Variants in COL22A1 observed in about 807,000 individuals in gnomAD.
The protein encoded by COL22A1 is collagen alpha-1(XXII) chain.
A neutral mutation model predicts 248.9 loss-of-function variants in COL22A1; 221 were observed. The observed-to-expected ratio is 0.89, with a 90% confidence interval of 0.80 to 0.99. The LOEUF (loss-of-function observed/expected upper bound fraction) is 0.99, where lower values mean the gene tolerates loss of function less well. Ranked by LOEUF, COL22A1 falls within the 50% of genes least tolerant of loss-of-function variation. COL22A1 has a pLI of 0.00. For synonymous variants in COL22A1, 891 were observed against 793.4 expected (o/e 1.12, Z -2.07); for missense variants, 2,240 against 2,179.0 (o/e 1.03, Z -0.56).
At chr8:138,898,049 A>G (rs1394484202) in intron 1 of COL22A1, among the ~76,000 whole-genome samples, 1 of 152,148 alleles carries the variant, frequency 6.6e-6, no homozygotes, top group African/African-American at 2.4e-5. Flanking sequence ...CTCTTTCATA[A>G]GAACACTAAT....
At chr8:138,619,757 T>C (rs1587690721) in intron 52 of COL22A1, among the ~76,000 whole-genome samples, 1 of 152,174 alleles carries the variant, frequency 6.6e-6, no homozygotes, top group South Asian at 2.1e-4. Context: ...TAATTATGCT[T>C]AGTACCCCCC....
intron 59 of COL22A1, among the ~76,000 whole-genome samples, chr8:138,602,438 C>T (rs1818100788): frequency 1.3e-5 from 2 of 152,156 alleles, no homozygotes; most frequent in Non-Finnish European, 2.9e-5. Context: ...TGGGATAAAC[C>T]CCACTCCCTT....
chr8:138,813,318 C>T (rs1818398608), intron 7 of COL22A1, among the ~76,000 whole-genome samples: 3 of 152,078 alleles, frequency 2.0e-5, no homozygotes, highest in African/African-American at 7.2e-5. Flanking sequence ...ATAACTGAAT[C>T]ATGGAGAGGG....
At chr8:138,727,319 A>G (rs904139226) in intron 23 of COL22A1, among the ~76,000 whole-genome samples, 5 of 151,936 alleles carry the variant, frequency 3.3e-5, no homozygotes, top group Non-Finnish European at 7.4e-5. Context: ...ATGGTCTCCA[A>G]TTCCCCAGTG....
At chr8:138,694,774 C>T (rs890857334) in intron 33 of COL22A1, 52 bp downstream of exon 33, 23 of 1,596,986 alleles carry the variant, frequency 1.4e-5, no homozygotes, top group Admixed American at 3.4e-5. Flanking sequence ...CCTTTGGAGT[C>T]CGGGTCTCCA....
intron 12 of COL22A1, among the ~76,000 whole-genome samples, chr8:138,783,727 C>T (rs1389622169): frequency 6.6e-6 from 1 of 152,192 alleles, no homozygotes. Context: ...TATTAAAATC[C>T]TCCCAGGTGC....
intron 54 of COL22A1, among the ~76,000 whole-genome samples, chr8:138,616,400 T>C (rs562580553): frequency 2.8e-4 from 43 of 152,324 alleles, no homozygotes; most frequent in African/African-American, 1.0e-3. Flanking sequence ...CCTTGGTATC[T>C]AGATCATGCA....
intron 3 of COL22A1, among the ~76,000 whole-genome samples, chr8:138,846,999 A>T (rs909569513): frequency 3.3e-5 from 5 of 152,222 alleles, no homozygotes; most frequent in African/African-American, 9.6e-5. Context: ...CCTGGATCTT[A>T]GAGACTGCTC....
intron 1 of COL22A1, among the ~76,000 whole-genome samples, chr8:138,902,143 G>T (rs529268885): frequency 6.6e-6 from 1 of 152,140 alleles, no homozygotes; most frequent in Non-Finnish European, 1.5e-5. Context: ...GAGGTGAGGC[G>T]CTCCATGAGA....
At chr8:138,825,426 T>C (rs1422827624) in intron 6 of COL22A1, among the ~76,000 whole-genome samples, 3 of 152,188 alleles carry the variant, frequency 2.0e-5, no homozygotes, top group African/African-American at 7.2e-5. Context: ...CAACCCCTGC[T>C]CTTATTACCT....
chr8:138,745,801 C>T (rs1404313908), intron 22 of COL22A1, among the ~76,000 whole-genome samples: 1 of 152,242 alleles, frequency 6.6e-6, no homozygotes, highest in East Asian at 1.9e-4. Context: ...TGGCCTTGAG[C>T]CAGGCTGGGT....
At chr8:138,671,937 CAT>C (rs138382051) in intron 41 of COL22A1, among the ~76,000 whole-genome samples, 5,592 of 152,192 alleles carry the variant, frequency 0.037, 139 homozygotes, top group South Asian at 0.069. Flanking sequence ...ACATACAAAA[CAT>C]GTGTTACTTG....
chr8:138,669,017 G>C (rs1000279909), intron 41 of COL22A1, among the ~76,000 whole-genome samples: 7 of 152,204 alleles, frequency 4.6e-5, no homozygotes, highest in African/African-American at 1.7e-4. Flanking sequence ...TCTGTGCTCA[G>C]AGAGCAGCAG....
At chr8:138,768,285 G>A (rs1231596028) in intron 16 of COL22A1, among the ~76,000 whole-genome samples, 2 of 152,118 alleles carry the variant, frequency 1.3e-5, no homozygotes, top group Non-Finnish European at 2.9e-5. Flanking sequence ...CTCACTCTCG[G>A]CCACAGCAGC....
intron 56 of COL22A1, among the ~76,000 whole-genome samples, chr8:138,609,523 C>G (rs1354385492): frequency 6.6e-6 from 1 of 152,184 alleles, no homozygotes; most frequent in Non-Finnish European, 1.5e-5. Flanking sequence ...GGTCTAAAAT[C>G]AGAGCAGCCA....
rs112995035 is a variant in COL22A1 at position 138,832,889 on chromosome 8, G to C, written c.845+150C>G. 2.8e-3 allele frequency: 1,678 copies of C among 597,038 alleles called. 23 individuals are homozygous for C. The African/African-American group carries it at 0.028, about 10-fold the overall frequency. The allele number at this position is 597,038 out of a possible 1,614,324, so 37.0% of individuals were successfully genotyped here. ...ACAGGTCGAATTCCCTGGTCCAGTG[G>C]TTCAGCTGCTTCATCGCAGGGCAAC... On this transcript the variant is annotated intron_variant, in intron 5 of 64. Coordinates refer to ENST00000303045, the MANE Select transcript of COL22A1 (RefSeq NM_152888.3).
At chr8:138,866,943 C>A (rs1048432249) in intron 3 of COL22A1, among the ~76,000 whole-genome samples, 1 of 152,128 alleles carries the variant, frequency 6.6e-6, no homozygotes, top group Non-Finnish European at 1.5e-5. Flanking sequence ...CTCAGCACTC[C>A]AGGGAGGAAA....
At chr8:138,636,973 G>A (rs1199917846) in intron 47 of COL22A1, among the ~76,000 whole-genome samples, 178 bp from the exon 48 acceptor site, 1 of 152,156 alleles carries the variant, frequency 6.6e-6, no homozygotes, top group Admixed American at 6.5e-5. Context: ...GGTTGAGGAT[G>A]TGTGATAAAA....
At chr8:138,847,136 C>T (rs1254533256) in intron 3 of COL22A1, among the ~76,000 whole-genome samples, 2 of 152,192 alleles carry the variant, frequency 1.3e-5, no homozygotes, top group South Asian at 2.1e-4. Flanking sequence ...GTCTGTCTCC[C>T]CAGGGAGTGG....
Sources: allele counts gnomAD v4.1 joint callset (sites outside exome capture counted in the v4.1 genomes callset), GRCh38; gene constraint gnomAD v4.1.1; transcripts MANE v1.5; gene names NCBI Gene and HGNC (gene_info 2026-07-23, HGNC 2026-07-21).